TMED3: variants seen among roughly 807,000 people sequenced by gnomAD.
TMED3 encodes transmembrane emp24 domain-containing protein 3.
A neutral mutation model predicts 15.0 loss-of-function variants in TMED3; 9 were observed. The observed-to-expected ratio is 0.60, with a 90% CI of 0.36 to 1.04. The LOEUF is 1.04. TMED3 is among the 50% of genes least tolerant of loss of function. The pLI, the probability that TMED3 is intolerant of heterozygous loss-of-function variation, is 0.01. For missense variants in TMED3, 267 were observed against 278.9 expected (o/e 0.96, Z 0.30); for synonymous variants, 117 against 121.4 (o/e 0.96, Z 0.24).
intron 2 of TMED3, among the ~76,000 whole-genome samples, chr15:79,353,257 A>G (rs1334926741): frequency 3.8e-5 from 2 of 53,002 alleles, no homozygotes; most frequent in Non-Finnish European, 6.4e-5. Flanking sequence ...TATATATAAT[A>G]TATATTATAT....
chr15:79,364,393 T>C (rs961543975), intron 2 of TMED3, among the ~76,000 whole-genome samples: 1 of 152,026 alleles, frequency 6.6e-6, no homozygotes, highest in African/African-American at 2.4e-5. Flanking sequence ...CTTTACTGTC[T>C]GCCTAAAGCA....
At chr15:79,347,470 A>G (rs2058875182) in intron 2 of TMED3, among the ~76,000 whole-genome samples, 1 of 152,198 alleles carries the variant, frequency 6.6e-6, no homozygotes, top group Non-Finnish European at 1.5e-5. Context: ...GAAAACTGGC[A>G]CAAGACGAGG....
At chr15:79,317,137 C>T (rs568914116) in intron 2 of TMED3, among the ~76,000 whole-genome samples, 3 of 152,184 alleles carry the variant, frequency 2.0e-5, no homozygotes, top group Admixed American at 6.5e-5. Context: ...CCGTTACCCT[C>T]TTGGAACTGG....
chr15:79,404,032 T>A (rs1395938), intron 2 of TMED3, among the ~76,000 whole-genome samples: 50,469 of 152,210 alleles, frequency 0.33, 9,279 homozygotes, highest in Middle Eastern at 0.5. Context: ...TATGTTGGTA[T>A]CTTCCAGGTG....
At chr15:79,375,845 G>A (rs1324246790) in intron 2 of TMED3, among the ~76,000 whole-genome samples, 2 of 152,168 alleles carry the variant, frequency 1.3e-5, no homozygotes, top group African/African-American at 4.8e-5. Flanking sequence ...TATTCAGGGT[G>A]CATGATTTTA....
intron 2 of TMED3, among the ~76,000 whole-genome samples, chr15:79,363,588 G>A (rs1893173033): frequency 1.3e-5 from 2 of 151,478 alleles, no homozygotes; most frequent in Non-Finnish European, 2.9e-5. Flanking sequence ...ACAAATGGCT[G>A]ATGAGTATAT....
At chr15:79,337,716 G>A (rs147042957) in intron 2 of TMED3, among the ~76,000 whole-genome samples, 309 of 152,306 alleles carry the variant, frequency 2.0e-3, no homozygotes, top group South Asian at 3.7e-3. Flanking sequence ...GGAACAGTTC[G>A]GTAGTGATCA....
intron 2 of TMED3, among the ~76,000 whole-genome samples, chr15:79,401,880 T>C (rs1224184136): frequency 6.6e-6 from 1 of 152,120 alleles, no homozygotes; most frequent in Non-Finnish European, 1.5e-5. Flanking sequence ...ATCAATAGGT[T>C]TTTAGGCAGT....
At chr15:79,390,977 T>A (rs1893688651) in intron 2 of TMED3, among the ~76,000 whole-genome samples, 1 of 152,128 alleles carries the variant, frequency 6.6e-6, no homozygotes, top group Admixed American at 6.6e-5. Context: ...CTCTCCTCTT[T>A]TCTTGGTTAA....
intron 2 of TMED3, among the ~76,000 whole-genome samples, chr15:79,387,615 C>CACACACAT (rs1893643243): frequency 6.6e-6 from 1 of 151,064 alleles, no homozygotes; most frequent in African/African-American, 2.4e-5. Context: ...CACACACACA[C>CACACACAT]ACACATACAC....
intron 2 of TMED3, among the ~76,000 whole-genome samples, chr15:79,338,399 C>T (rs759500587): frequency 4.6e-5 from 7 of 152,106 alleles, no homozygotes; most frequent in Non-Finnish European, 8.8e-5. Context: ...ATGGTAATTG[C>T]CCTGGCTTCA....
At chr15:79,326,838 C>T (rs936699544), downstream of TMED3, among the ~76,000 whole-genome samples, 6 of 151,952 alleles carry the variant, frequency 3.9e-5, 1 homozygote, top group South Asian at 2.1e-4. Flanking sequence ...CTTAGTGTTG[C>T]GATAAAGGAA....
chr15:79,353,166 T>TAAAAA (rs2058900693), intron 2 of TMED3, among the ~76,000 whole-genome samples: 1 of 83,470 alleles, frequency 1.2e-5, no homozygotes, highest in East Asian at 3.4e-4. Flanking sequence ...TATATAAATA[T>TAAAAA]ATATACATAA....
chr15:79,353,593 C>T (rs2141236248), intron 2 of TMED3, among the ~76,000 whole-genome samples: 1 of 149,826 alleles, frequency 6.7e-6, no homozygotes, highest in East Asian at 2.0e-4. Flanking sequence ...CACACACACA[C>T]ACACACACAC....
At chr15:79,354,569 C>T (rs1031971298) in intron 2 of TMED3, among the ~76,000 whole-genome samples, 6 of 151,062 alleles carry the variant, frequency 4.0e-5, no homozygotes, top group Non-Finnish European at 5.9e-5. Flanking sequence ...GACTCTTGGT[C>T]TCTTGTGCCT....
intron 2 of TMED3, among the ~76,000 whole-genome samples, chr15:79,359,230 G>GTTTTTTTT (rs5813967): frequency 8.2e-6 from 1 of 122,418 alleles, no homozygotes; most frequent in Non-Finnish European, 1.7e-5. Context: ...AGAAGGCTCA[G>GTTTTTTTT]TTTTTTTTTT....
intron 1 of TMED3, among the ~76,000 whole-genome samples, chr15:79,313,227 G>A (rs141653595): frequency 2.4e-3 from 372 of 152,188 alleles, no homozygotes; most frequent in African/African-American, 8.8e-3. Context: ...GTGGCATCTA[G>A]TTGCATTGGA....
chr15:79,311,860 C>T (rs1378816409), intron 1 of TMED3, among the ~76,000 whole-genome samples: 5 of 152,248 alleles, frequency 3.3e-5, no homozygotes, highest in Non-Finnish European at 5.9e-5. Flanking sequence ...TATTCCTCCC[C>T]TCTCCAGCGT....
chr15:79,388,451 A>G (rs568905491), intron 2 of TMED3, among the ~76,000 whole-genome samples: 2 of 151,946 alleles, frequency 1.3e-5, no homozygotes, highest in Admixed American at 6.5e-5. Context: ...GCTGAGTAGT[A>G]TTCAATTTTG....
Sources: gnomAD v4.1 joint callset for allele counts (sites outside exome capture counted in the v4.1 genomes callset) on GRCh38, gnomAD v4.1.1 for gene constraint, MANE v1.5 for transcripts, NCBI Gene and HGNC (gene_info 2026-07-23, HGNC 2026-07-21) for gene names.